RBMS3: variants seen among roughly 807,000 people sequenced by gnomAD.
RBMS3 encodes the protein RNA-binding motif, single-stranded-interacting protein 3.
RBMS3 carries 27 observed loss-of-function variants against 66.8 expected under a neutral mutation model. The observed-to-expected ratio is 0.40, with a 90% CI of 0.30 to 0.56. The LOEUF is 0.56. Ranked by LOEUF, RBMS3 falls within the 20% of genes least tolerant of loss-of-function variation. The probability of loss-of-function intolerance (pLI) is 0.40; values close to 1 mark genes in which losing one functional copy is unlikely to be tolerated. For missense variants in RBMS3, 513 were observed against 549.5 expected, an observed-to-expected ratio of 0.93 and a Z score of 0.66; for synonymous variants, 188 against 183.0, an observed-to-expected ratio of 1.03 and a Z score of -0.22.
At position 29,446,074 on chromosome 3, in the gene RBMS3, A is replaced by G. The variant is rs141303594; in HGVS notation, c.248+11159A>G. ...TTTTTTAAAATATAATCATATTCTA[A>G]GAAGTCCACAATTTAAAATCATCCT... On this transcript the variant is annotated intron_variant, in intron 2 of 14. Transcript: ENST00000383767. Among the ~76,000 whole-genome samples the G allele has an allele frequency of 1.1e-3, 173 of 152,318 alleles. 2 individuals carry two copies. Among genetic ancestry groups the G allele is most frequent in the Admixed American group, 9.8e-4 (15 of 15,300 alleles).
intron 4 of RBMS3, among the ~76,000 whole-genome samples, chr3:29,595,838 C>T (rs1397959976): frequency 4.6e-5 from 7 of 152,214 alleles, no homozygotes; most frequent in Non-Finnish European, 7.4e-5. Flanking sequence ...CAGGGAGTGC[C>T]GGACAACCAT....
At chr3:29,486,528 G>A (rs1466400918) in intron 2 of RBMS3, among the ~76,000 whole-genome samples, 2 of 152,068 alleles carry the variant, frequency 1.3e-5, no homozygotes. Flanking sequence ...TAGTAATATT[G>A]TAATAATTTC....
At chr3:29,932,308 TC>T (rs1357477685) in intron 10 of RBMS3, among the ~76,000 whole-genome samples, 3 of 152,172 alleles carry the variant, frequency 2.0e-5, no homozygotes, top group African/African-American at 7.2e-5. Context: ...AAGACTGGAT[TC>T]AAACAAATAA....
chr3:29,409,530 C>T (rs997772202), intron 1 of RBMS3, among the ~76,000 whole-genome samples: 3 of 152,178 alleles, frequency 2.0e-5, no homozygotes, highest in Non-Finnish European at 4.4e-5. Flanking sequence ...GGATTATTTC[C>T]TTACAGCATA....
Position 29,514,746 on chromosome 3 carries a change from CAT to C in RBMS3, c.307+26257_307+26258del, listed in dbSNP as rs1297126119. On this transcript the variant is annotated intron_variant, in intron 3 of 14. Transcript: ENST00000383767. Reference sequence around the variant, plus strand: ...ATGATAAGCATATATATATGATAGGCATATATATATAAGCATATATACGATAG... The same window carrying C: ...ATGATAAGCATATATATATGATAGGCATATATATAAGCATATATACGATAG... Among the ~76,000 whole-genome samples the C allele has an allele frequency of 5.8e-5, 8 of 136,876 alleles. No individual in the cohort carries two copies. The East Asian group carries it at 6.4e-4, about 11-fold the overall frequency. The allele number at this position is 136,876 out of a possible 152,430, so 89.8% of individuals were successfully genotyped here.
At chr3:29,834,501 C>A (rs1293202701) in intron 6 of RBMS3, among the ~76,000 whole-genome samples, 1 of 151,832 alleles carries the variant, frequency 6.6e-6, no homozygotes, top group East Asian at 1.9e-4. Context: ...ACAATAAAAA[C>A]TTAGAATTGG....
At chr3:29,468,769 T>A (rs1041075925) in intron 2 of RBMS3, among the ~76,000 whole-genome samples, 1 of 152,152 alleles carries the variant, frequency 6.6e-6, no homozygotes, top group Admixed American at 6.5e-5. Context: ...TGAATTTGGT[T>A]TTCTAAGCTA....
intron 6 of RBMS3, among the ~76,000 whole-genome samples, chr3:29,819,317 T>C (rs2058010192): frequency 6.6e-6 from 1 of 152,158 alleles, no homozygotes; most frequent in South Asian, 2.1e-4. Flanking sequence ...GCTACTCAAC[T>C]CTTCTCTGGT....
chr3:29,801,042 A>G (rs894182719), intron 6 of RBMS3, among the ~76,000 whole-genome samples: 1 of 151,912 alleles, frequency 6.6e-6, no homozygotes, highest in African/African-American at 2.4e-5. Context: ...AACGGAATGA[A>G]TAAAGTGGGT....
At chr3:29,335,854 TCCTCACTTCCTG>T (rs1436126177) in intron 1 of RBMS3, among the ~76,000 whole-genome samples, 11 of 152,198 alleles carry the variant, frequency 7.2e-5, no homozygotes, top group African/African-American at 2.7e-4. Context: ...TCCTCTTAAT[TCCTCACTTCCTG>T]CCTCCCTCCC....
At chr3:29,387,628 C>T (rs546477254) in intron 1 of RBMS3, among the ~76,000 whole-genome samples, 14 of 152,082 alleles carry the variant, frequency 9.2e-5, no homozygotes, top group African/African-American at 9.7e-5. Flanking sequence ...GATGGCCGGG[C>T]GCGGTGGCTC....
chr3:29,870,777 C>T (rs766723486), intron 7 of RBMS3, among the ~76,000 whole-genome samples: 2 of 151,940 alleles, frequency 1.3e-5, no homozygotes, highest in African/African-American at 4.8e-5. Context: ...ATAAATTTTC[C>T]TGTTGATCTA....
chr3:29,426,367 A>G (rs542499948), intron 1 of RBMS3, among the ~76,000 whole-genome samples: 2 of 152,342 alleles, frequency 1.3e-5, no homozygotes, highest in Non-Finnish European at 2.9e-5. Context: ...CTTGAACTGA[A>G]CAATAACTAG....
intron 12 of RBMS3, among the ~76,000 whole-genome samples, chr3:29,955,252 G>T (rs1695951809): frequency 6.6e-6 from 1 of 151,912 alleles, no homozygotes; most frequent in African/African-American, 2.4e-5. Flanking sequence ...TGTCTTGAAA[G>T]GAGTCAGCGG....
At chr3:29,818,433 G>C (rs948041567) in intron 6 of RBMS3, among the ~76,000 whole-genome samples, 2 of 149,784 alleles carry the variant, frequency 1.3e-5, no homozygotes, top group South Asian at 4.2e-4. Flanking sequence ...AATTTTTTTA[G>C]TTGTCGTTTG....
chr3:29,338,163 T>A (rs1191260535), intron 1 of RBMS3, among the ~76,000 whole-genome samples: 1 of 152,150 alleles, frequency 6.6e-6, no homozygotes, highest in Non-Finnish European at 1.5e-5. Flanking sequence ...TCTTTAAGCT[T>A]TTTTTAAAAA....
chr3:29,965,430 T>C (rs1400050519), intron 12 of RBMS3, among the ~76,000 whole-genome samples: 1 of 152,018 alleles, frequency 6.6e-6, no homozygotes, highest in Non-Finnish European at 1.5e-5. Context: ...CTTGCAAGAG[T>C]AAGGTGGTAT....
At chr3:29,532,497 T>C (rs12491724) in intron 3 of RBMS3, among the ~76,000 whole-genome samples, 7,892 of 151,794 alleles carry the variant, frequency 0.052, 355 homozygotes, top group African/African-American at 0.12. Flanking sequence ...GGAAAAAGTT[T>C]CCAAGCTCTT....
At position 29,991,178 on chromosome 3, in the gene RBMS3, C is replaced by T; in HGVS notation, c.1276C>T (p.His426Tyr). The change falls in exon 14 of 15, where the codon CAT becomes TAT. Residue 426 changes from histidine (H) to tyrosine (Y), a missense_variant. Coordinates refer to ENST00000383767, the MANE Select transcript of RBMS3 (RefSeq NM_001003793.3). ...GATAGCAGTGGACACATCCAACGAACATGCACCTGCATATTCTTACCAACA... is the reference window on the plus strand; with the variant it reads ...GATAGCAGTGGACACATCCAACGAATATGCACCTGCATATTCTTACCAACA... ...QQIAVDTSNE[H>Y]APAYSYQQSK... 1 of 1,614,034 alleles carries T rather than the reference C, an allele frequency of 6.2e-7. No individual in the cohort carries two copies. Among genetic ancestry groups the T allele is most frequent in the Non-Finnish European group, 8.5e-7 (1 of 1,179,910 alleles).
Sources: gnomAD v4.1 joint callset for allele counts (sites outside exome capture counted in the v4.1 genomes callset) on GRCh38, gnomAD v4.1.1 for gene constraint, MANE v1.5 for transcripts, NCBI Gene and HGNC (gene_info 2026-07-23, HGNC 2026-07-21) for gene names.